The following PEMT variants were observed in gnomAD, a reference collection of about 807,000 sequenced individuals.
PEMT encodes phosphatidylethanolamine N-methyltransferase.
In PEMT, 23 loss-of-function variants were observed where a neutral mutation model predicts 27.4. The ratio of observed to expected loss-of-function variants is 0.84; its 90% confidence interval spans 0.60 to 1.19. The LOEUF (loss-of-function observed/expected upper bound fraction) is 1.19, where lower values mean the gene tolerates loss of function less well. Ranked by LOEUF, PEMT falls within the 50% of genes most tolerant of loss-of-function variation. The pLI is 0.00. For synonymous variants in PEMT, 137 were observed against 139.1 expected, an observed-to-expected ratio of 0.98 and a Z score of 0.11; for missense variants, 307 against 310.1, an observed-to-expected ratio of 0.99 and a Z score of 0.07.
At chr17:17,524,970 T>G (rs553293705) in intron 2 of PEMT, among the ~76,000 whole-genome samples, 1 of 151,576 alleles carries the variant, frequency 6.6e-6, no homozygotes, top group Non-Finnish European at 1.5e-5. Flanking sequence ...TAGCCGGGAG[T>G]GGTGGTGTGC....
rs372582088 is a variant in PEMT, at chr17:17,515,930, G to A, written c.321-3276C>T. Among the ~76,000 whole-genome samples, 70 of 152,216 alleles carry A rather than the reference G, an allele frequency of 4.6e-4. 1 individual carries two copies. In the South Asian group the frequency reaches 0.014, roughly 30 times the overall value. ...CTGCACTCTGCTCCCATAAAATCCCGGAAACCCTGGGGTGGAGGTGGGGAG... is the reference window on the plus strand; with the variant it reads ...CTGCACTCTGCTCCCATAAAATCCCAGAAACCCTGGGGTGGAGGTGGGGAG... On this transcript the variant is annotated intron_variant, in intron 3 of 6. Coordinates refer to ENST00000255389, the MANE Select transcript of PEMT (RefSeq NM_148172.3).
Position 17,574,118 on chromosome 17 carries a change from C to T in PEMT, c.204+2802G>A, listed in dbSNP as rs550145578. 1.9e-3 allele frequency among the ~76,000 whole-genome samples: 293 copies of T among 151,958 alleles called. 1 individual carries two copies. The highest frequency in any genetic ancestry group is 6.8e-3 in the Middle Eastern group (2 of 294). ...TCCCCGGCAGCAGCCCACGGAACTG[C>T]AACATGTTTCTTAACTTTTCTCCTT... is the stretch of plus-strand genomic sequence containing the variant. On this transcript the variant is annotated intron_variant, in intron 2 of 6. Coordinates refer to ENST00000255389, the MANE Select transcript of PEMT (RefSeq NM_148172.3).
At chr17:17,545,815 G>A (rs1909220607) in intron 2 of PEMT, among the ~76,000 whole-genome samples, 1 of 152,194 alleles carries the variant, frequency 6.6e-6, no homozygotes, top group African/African-American at 2.4e-5. Flanking sequence ...TACCAAGGCA[G>A]GATGTACTGG....
chr17:17,579,983 G>T (rs28583584), intron 1 of PEMT, among the ~76,000 whole-genome samples: 12 of 152,108 alleles, frequency 7.9e-5, no homozygotes, highest in Non-Finnish European at 1.3e-4. Flanking sequence ...GCCTCCCAAC[G>T]CCTGGGGCTG....
chr17:17,567,698 G>T (rs985681849), intron 2 of PEMT, among the ~76,000 whole-genome samples: 14 of 152,368 alleles, frequency 9.2e-5, no homozygotes, highest in Admixed American at 8.5e-4. Flanking sequence ...GGAGAGCTAG[G>T]AGGGCCACAG....
chr17:17,568,568 C>T (rs991947282), intron 2 of PEMT, among the ~76,000 whole-genome samples: 8 of 152,166 alleles, frequency 5.3e-5, no homozygotes, highest in Admixed American at 1.3e-4. Flanking sequence ...ATGGAGAAAC[C>T]GATGCCCAGG....
chr17:17,556,434 G>A (rs988241232), intron 2 of PEMT, among the ~76,000 whole-genome samples: 1 of 151,620 alleles, frequency 6.6e-6, no homozygotes, highest in Non-Finnish European at 1.5e-5. Flanking sequence ...AATGCAATGG[G>A]ATGATCTTGG....
At chr17:17,526,875 A>G (rs1375720103) in intron 2 of PEMT, among the ~76,000 whole-genome samples, 2 of 152,132 alleles carry the variant, frequency 1.3e-5, no homozygotes, top group Admixed American at 6.5e-5. Flanking sequence ...GGCAATGAAC[A>G]CAGCCTCCCA....
At chr17:17,505,941 C>T (rs1905792922) in intron 6 of PEMT, 93 bp from the exon 7 acceptor site, 1 of 1,456,940 alleles carries the variant, frequency 6.9e-7, no homozygotes. Context: ...TTGAGGGTGT[C>T]CAGATGGGAC....
chr17:17,554,027 C>T (rs1472552943), intron 2 of PEMT, among the ~76,000 whole-genome samples: 2 of 152,230 alleles, frequency 1.3e-5, no homozygotes, highest in Non-Finnish European at 2.9e-5. Flanking sequence ...AGGCACTGGA[C>T]CTGAGACCTG....
At position 17,523,935 on chromosome 17, in the gene PEMT, G is replaced by T. The variant is rs1200391765; in HGVS notation, c.205-1540C>A. 2.6e-5 allele frequency among the ~76,000 whole-genome samples: 4 copies of T among 152,074 alleles called. No individual in the cohort carries two copies. Among genetic ancestry groups the T allele is most frequent in the African/African-American group, 4.8e-5 (2 of 41,394 alleles). The stretch of plus-strand genomic sequence containing the variant: ...CGTCCTCCCCATCCCCCATCTGCCG[G>T]CCCCTGGCAACCACTCATCGCTTTC... On this transcript the variant is annotated intron_variant, in intron 2 of 6. Transcript: ENST00000255389. The surrounding 1 kb of genome is among the most constrained non-coding windows in gnomAD (Gnocchi z 4.8).
In PEMT at chr17:17,512,470, C is replaced by A; in HGVS notation, c.466+39G>T. 6.8e-7 allele frequency: 1 copy of A among 1,477,554 alleles called. No individual in the cohort carries two copies. Among genetic ancestry groups the A allele is most frequent in the Non-Finnish European group, 9.1e-7 (1 of 1,103,494 alleles). The allele number at this position is 1,477,554 out of a possible 1,614,324, so 91.5% of individuals were successfully genotyped here. A position where few individuals can be genotyped will look rare whatever the true frequency, so the allele number is the denominator to read the frequency against. On this transcript the variant is annotated intron_variant, in intron 4 of 6. Coordinates refer to ENST00000255389, the MANE Select transcript of PEMT (RefSeq NM_148172.3). The surrounding 1 kb of genome is among the most constrained non-coding windows in gnomAD (Gnocchi z 6.3). ...GCCCTGCACCTCCCTGGGGCTCCAG[C>A]GGTCCTGCTCAGGGTCACCCCAGCC...
chr17:17,570,440 T>C (rs1911113842), intron 2 of PEMT: 4 of 862,082 alleles, frequency 4.6e-6, no homozygotes, highest in Non-Finnish European at 5.6e-6. Context: ...ACTACTGACA[T>C]CTAGTGGGCA....
chr17:17,507,505 C>T (rs1469488785), intron 5 of PEMT: 4 of 411,158 alleles, frequency 9.7e-6, no homozygotes, highest in Admixed American at 7.3e-5. Flanking sequence ...GCAGGGCAGA[C>T]GTAAGCAAAG....
chr17:17,567,735 G>A (rs1319757335), intron 2 of PEMT, among the ~76,000 whole-genome samples: 2 of 152,258 alleles, frequency 1.3e-5, no homozygotes, highest in African/African-American at 4.8e-5. Context: ...GGTCTGAAGA[G>A]ACAAGAGCTG....
chr17:17,570,561 A>G (rs1911122586), intron 2 of PEMT: 1 of 985,286 alleles, frequency 1.0e-6, no homozygotes, highest in African/African-American at 1.7e-5. Context: ...GACACCTGAC[A>G]AGGACCACTC....
intron 2 of PEMT, among the ~76,000 whole-genome samples, chr17:17,569,326 C>A (rs577822309): frequency 6.5e-4 from 99 of 152,306 alleles, no homozygotes; most frequent in South Asian, 2.5e-3. Flanking sequence ...GGAGCCACCC[C>A]CGGCCCAATG....
chr17:17,544,116 G>C (rs1213561577), intron 2 of PEMT, among the ~76,000 whole-genome samples: 4 of 152,152 alleles, frequency 2.6e-5, no homozygotes, highest in African/African-American at 9.7e-5. Context: ...CCTAGTGCAT[G>C]CAGAACACAT....
At chr17:17,506,010 C>T (rs938167678) in intron 6 of PEMT, among the ~76,000 whole-genome samples, 162 bp from the exon 7 acceptor site, 3 of 152,160 alleles carry the variant, frequency 2.0e-5, no homozygotes, top group Non-Finnish European at 4.4e-5. Flanking sequence ...GCCTTCAGAG[C>T]GCAGGCGGGA....
Sources: gnomAD v4.1 joint callset for allele counts (sites outside exome capture counted in the v4.1 genomes callset) on GRCh38, gnomAD v4.1.1 for gene constraint, Gnocchi (gnomAD v3.1) non-coding constraint, MANE v1.5 for transcripts, NCBI Gene and HGNC (gene_info 2026-07-23, HGNC 2026-07-21) for gene names.